The following PDE4DIP variants were observed in gnomAD, a reference collection of about 807,000 sequenced individuals.
PDE4DIP encodes phosphodiesterase 4D interacting protein.
Under a neutral mutation model 221.4 loss-of-function variants are expected in PDE4DIP, and 59 were observed. The ratio of observed to expected loss-of-function variants is 0.27; its 90% CI spans 0.22 to 0.33. The LOEUF (loss-of-function observed/expected upper bound fraction) is 0.33. Among genes scored for constraint, PDE4DIP ranks in the 10% least tolerant of loss-of-function variants. The pLI is 1.00. For missense variants in PDE4DIP, 1,036 were observed against 2,154.2 expected (o/e 0.48, Z 10.28); for synonymous variants, 404 against 815.9 (o/e 0.50, Z 8.60).
At chr1:149,017,814 T>C (rs1553613181) in exon 34 of PDE4DIP, 3 of 1,612,458 alleles carry the variant, frequency 1.9e-6, no homozygotes, top group Non-Finnish European at 8.5e-7. Context: ...GAGGAATCCA[T>C]CTGCATCAAT....
chr1:148,969,946 T>TC (rs1385175248), intron 14 of PDE4DIP, among the ~76,000 whole-genome samples: 1 of 152,182 alleles, frequency 6.6e-6, no homozygotes, highest in Non-Finnish European at 1.5e-5. Flanking sequence ...CCTCAAGTGA[T>TC]CCACCCATCT....
At chr1:149,021,277 C>A (rs1471609891) in intron 37 of PDE4DIP, 124 bp downstream of exon 40, 23 of 749,040 alleles carry the variant, frequency 3.1e-5, no homozygotes, top group Admixed American at 6.8e-5. Context: ...GAAACCCCCA[C>A]CCGAGCCTGG....
intron 3 of PDE4DIP, among the ~76,000 whole-genome samples, chr1:148,874,910 ATCTTGAAG>A (rs1690504564): frequency 6.7e-6 from 1 of 149,680 alleles, no homozygotes; most frequent in Non-Finnish European, 1.5e-5. Context: ...TTCCACTTGA[ATCTTGAAG>A]TCTTTGGGGA....
upstream of PDE4DIP, among the ~76,000 whole-genome samples, chr1:148,884,819 C>T (rs587773335): frequency 2.3e-4 from 35 of 151,596 alleles, no homozygotes; most frequent in Middle Eastern, 3.4e-3. Context: ...CATATTTGTT[C>T]GGAACTGTTG....
chr1:148,864,793 A>G (rs1178478682), intron 2 of PDE4DIP, among the ~76,000 whole-genome samples: 1 of 103,920 alleles, frequency 9.6e-6, no homozygotes, highest in East Asian at 2.3e-4. Flanking sequence ...CATATAATAC[A>G]TGTGGCAAGG....
chr1:148,987,525 C>T (rs1312911292), intron 21 of PDE4DIP, among the ~76,000 whole-genome samples: 2 of 152,178 alleles, frequency 1.3e-5, no homozygotes, highest in African/African-American at 4.8e-5. Flanking sequence ...GTATTAGACA[C>T]AAGGGCCCGG....
At chr1:148,975,470 T>G (rs1485546360) in intron 17 of PDE4DIP, among the ~76,000 whole-genome samples, 35 of 151,034 alleles carry the variant, frequency 2.3e-4, no homozygotes, top group Middle Eastern at 6.8e-3. Context: ...AGAATAGTCA[T>G]GTAACTAATA....
At chr1:148,832,620 T>G (rs1380442575) in intron 1 of PDE4DIP, among the ~76,000 whole-genome samples, 1 of 151,470 alleles carries the variant, frequency 6.6e-6, no homozygotes, top group Non-Finnish European at 1.5e-5. Flanking sequence ...CCATAACTAA[T>G]TTATTGATAG....
At chr1:148,952,982 A>T in intron 5 of PDE4DIP, 1 of 1,612,666 alleles carries the variant, frequency 6.2e-7, no homozygotes. Flanking sequence ...CGACACAGTT[A>T]TTGCCCGGAT....
chr1:148,987,684 C>T (rs1553551537), intron 21 of PDE4DIP, among the ~76,000 whole-genome samples: 1 of 152,086 alleles, frequency 6.6e-6, no homozygotes, highest in African/African-American at 2.4e-5. Flanking sequence ...CTGTTTATCC[C>T]ATATTAGTGG....
chr1:148,929,226 C>G, exon 2 of PDE4DIP: 1 of 1,613,566 alleles, frequency 6.2e-7, no homozygotes, highest in Non-Finnish European at 8.5e-7. Flanking sequence ...AAGTGGAGAG[C>G]TTGAAACGAG....
At chr1:148,930,596 C>A in intron 2 of PDE4DIP, 1 of 146,598 alleles carries the variant, frequency 6.8e-6, no homozygotes. Context: ...ATCCCATTTA[C>A]AATATCTGCT....
At chr1:148,986,075 G>T (rs1376540654) in intron 21 of PDE4DIP, 4 of 152,138 alleles carry the variant, frequency 2.6e-5, no homozygotes, top group Admixed American at 2.0e-4. Context: ...TTAAACTTTT[G>T]TGGGTTGTTA....
intron 1 of PDE4DIP, among the ~76,000 whole-genome samples, chr1:148,917,214 T>G (rs1448701173): frequency 6.6e-6 from 1 of 151,956 alleles, no homozygotes; most frequent in African/African-American, 2.4e-5. Flanking sequence ...ACCAAGATTC[T>G]ATTCTAACAG....
chr1:149,010,744 G>A (rs1553604752), intron 31 of PDE4DIP, 149 bp downstream of exon 34: 9 of 669,900 alleles, frequency 1.3e-5, no homozygotes, highest in African/African-American at 3.6e-5. Flanking sequence ...TTTTCCAGTT[G>A]TGTCTGATTT....
intron 32 of PDE4DIP, among the ~76,000 whole-genome samples, chr1:149,013,782 T>TA: frequency 6.3e-5 from 1 of 15,950 alleles, no homozygotes; most frequent in African/African-American, 6.9e-4. Flanking sequence ...CTTCTTCCTC[T>TA]TTTTTTTTTT....
In PDE4DIP at chr1:148,821,602, A is replaced by G. The variant is rs376212856; in HGVS notation, c.233+12865A>G. Among the ~76,000 whole-genome samples the G allele has an allele frequency of 6.7e-5, 10 of 148,686 alleles. No individual in the cohort carries two copies. The Middle Eastern group carries it at 0.01, about 154-fold the overall frequency. On this transcript the variant is annotated intron_variant, in intron 1 of 45. Transcript: ENST00000524974. ...AATAAGCTTAGTGTGTTTGAGGAAG[A>G]AAATGGCCAGTGCAGCTGGAGCATA...
At chr1:149,016,703 T>C (rs587772197) in intron 33 of PDE4DIP, among the ~76,000 whole-genome samples, 153 bp downstream of exon 36, 2 of 151,276 alleles carry the variant, frequency 1.3e-5, no homozygotes, top group South Asian at 4.3e-4. Context: ...CTCAATCCTT[T>C]CCAAGTACAT....
chr1:148,998,422 C>A, intron 23 of PDE4DIP, 47 bp downstream of exon 26: 1 of 1,117,030 alleles, frequency 9.0e-7, no homozygotes, highest in South Asian at 1.3e-5. Flanking sequence ...TCATGAGGCA[C>A]CACAGCCAAG....
Sources: gnomAD v4.1 joint callset for allele counts (sites outside exome capture counted in the v4.1 genomes callset) on GRCh38, gnomAD v4.1.1 for gene constraint, MANE v1.5 for transcripts, NCBI Gene and HGNC (gene_info 2026-07-23, HGNC 2026-07-21) for gene names.